Variants in NCKAP5 observed in about 807,000 individuals in gnomAD.
The protein encoded by NCKAP5 is nck-associated protein 5.
In NCKAP5, 92 loss-of-function variants were observed where a neutral mutation model predicts 167.0. That is an observed-to-expected ratio of 0.55 (90% CI 0.47 to 0.66). The LOEUF is 0.66. Among genes scored for constraint, NCKAP5 ranks in the 30% least tolerant of loss-of-function variants. NCKAP5 has a pLI of 0.00. For missense variants in NCKAP5, 2,378 were observed against 2,315.0 expected, an observed-to-expected ratio of 1.03 and a Z score of -0.56; for synonymous variants, 891 against 877.4, an observed-to-expected ratio of 1.02 and a Z score of -0.27.
chr2:133,357,326 C>CACACAT, intron 3 of NCKAP5, among the ~76,000 whole-genome samples: 1 of 150,962 alleles, frequency 6.6e-6, no homozygotes, highest in East Asian at 1.9e-4. Context: ...CACACACACA[C>CACACAT]ACATACACAG....
chr2:133,048,989 A>G (rs889426402), intron 6 of NCKAP5, among the ~76,000 whole-genome samples: 2 of 152,308 alleles, frequency 1.3e-5, no homozygotes, highest in East Asian at 3.9e-4. Flanking sequence ...GAATTCTCCC[A>G]TAAACACACT....
chr2:132,783,330 T>C lies in NCKAP5; in HGVS notation c.3481A>G (p.Arg1161Gly). 3.7e-6 allele frequency: 6 copies of C among 1,613,880 alleles called. No homozygotes were observed. Among genetic ancestry groups the C allele is most frequent in the Non-Finnish European group, 5.1e-6 (6 of 1,179,862 alleles). Reference protein sequence around the residue: ...KVLMKSPQLLRKSSTVPGKHE... With the variant: ...KVLMKSPQLLGKSSTVPGKHE... ...TTCCCTGGCACGGTGGAACTTTTCC[T>C]GAGCAGCTGGGGAGACTTCATGAGC... Residue 1161 changes from arginine to glycine, a missense_variant, in exon 14 of 20, where the codon AGG (arginine) becomes GGG (glycine). Around this residue, in one of 3 missense-constraint regions of NCKAP5, gnomAD observed 1,325 missense variants for 1,274.5 expected, o/e 1.04. Coordinates refer to ENST00000409261, the MANE Select transcript of NCKAP5 (RefSeq NM_207363.3).
intron 16 of NCKAP5, among the ~76,000 whole-genome samples, chr2:132,765,334 C>T (rs537595033): frequency 4.4e-5 from 5 of 114,916 alleles, no homozygotes; most frequent in African/African-American, 1.4e-4. Context: ...TTTTTTGAGA[C>T]GGAGTTTCGC....
intron 5 of NCKAP5, among the ~76,000 whole-genome samples, chr2:133,176,089 C>A (rs1014898316): frequency 9.2e-5 from 14 of 152,072 alleles, no homozygotes; most frequent in African/African-American, 2.4e-4. Flanking sequence ...CAGTGGAGAC[C>A]GCATATCCAG....
intron 5 of NCKAP5, among the ~76,000 whole-genome samples, chr2:133,191,261 A>T (rs2085206172): frequency 6.6e-6 from 1 of 152,204 alleles, no homozygotes; most frequent in African/African-American, 2.4e-5. Flanking sequence ...ATCATTAAAA[A>T]GTCAGGAAAC....
chr2:132,909,332 C>A (rs1006469266), intron 8 of NCKAP5, among the ~76,000 whole-genome samples: 2 of 151,926 alleles, frequency 1.3e-5, no homozygotes, highest in African/African-American at 4.8e-5. Context: ...GGTGACAGAG[C>A]AATACTCCAT....
intron 3 of NCKAP5, among the ~76,000 whole-genome samples, chr2:133,364,406 G>T (rs1685319780): frequency 6.6e-6 from 1 of 152,108 alleles, no homozygotes; most frequent in African/African-American, 2.4e-5. Context: ...TAGACTTCAA[G>T]AAAATTTGCA....
chr2:133,011,584 G>A (rs1226344050), intron 6 of NCKAP5, among the ~76,000 whole-genome samples: 2 of 152,214 alleles, frequency 1.3e-5, no homozygotes, highest in African/African-American at 4.8e-5. Flanking sequence ...GATTAGTGAA[G>A]TTGAGTAAAT....
At chr2:133,090,048 G>A (rs1333791074) in intron 6 of NCKAP5, among the ~76,000 whole-genome samples, 1 of 151,948 alleles carries the variant, frequency 6.6e-6, no homozygotes, top group African/African-American at 2.4e-5. Context: ...AGATCTGGCA[G>A]GCTGGAAAAT....
chr2:132,767,018 C>T (rs997788594), intron 16 of NCKAP5, among the ~76,000 whole-genome samples: 8 of 152,154 alleles, frequency 5.3e-5, no homozygotes, highest in African/African-American at 1.9e-4. Flanking sequence ...CTCCAAACCT[C>T]CTCTGTTTGG....
At chr2:133,607,851 A>G in the NCKAP5 span, among the ~76,000 whole-genome samples, 16 of 152,138 alleles carry the variant, frequency 1.1e-4, no homozygotes, top group Non-Finnish European at 1.6e-4. Context: ...AAATCCCCAC[A>G]TATATTTTCT....
intron 3 of NCKAP5, among the ~76,000 whole-genome samples, chr2:133,485,739 T>C (rs1393975430): frequency 2.0e-5 from 3 of 152,116 alleles, no homozygotes; most frequent in East Asian, 1.9e-4. Context: ...TCACTAGTGA[T>C]GGAAAACATC....
intron 2 of NCKAP5, among the ~76,000 whole-genome samples, chr2:133,547,469 AGTGT>A (rs1466730339): frequency 1.3e-5 from 2 of 152,092 alleles, no homozygotes; most frequent in Non-Finnish European, 2.9e-5. Context: ...TGCAGACTTA[AGTGT>A]CCCTGTCTGA....
chr2:132,952,453 C>T (rs372809701), intron 8 of NCKAP5, among the ~76,000 whole-genome samples: 1 of 152,112 alleles, frequency 6.6e-6, no homozygotes, highest in African/African-American at 2.4e-5. Context: ...GTCACAGACC[C>T]CCCCCACTCC....
intron 4 of NCKAP5, among the ~76,000 whole-genome samples, chr2:133,292,308 A>G (rs909150565): frequency 4.6e-5 from 7 of 151,588 alleles, no homozygotes; most frequent in Non-Finnish European, 7.4e-5. Flanking sequence ...CTAGATTTAA[A>G]AAAAAAAAAA....
the NCKAP5 span, among the ~76,000 whole-genome samples, chr2:133,630,859 C>T: frequency 2.0e-5 from 3 of 152,110 alleles, no homozygotes; most frequent in African/African-American, 4.8e-5. Flanking sequence ...GGCCCATCTC[C>T]TCCAGGAAAG....
chr2:133,174,456 A>T (rs934168049), intron 5 of NCKAP5, among the ~76,000 whole-genome samples: 1 of 152,188 alleles, frequency 6.6e-6, no homozygotes, highest in Admixed American at 6.5e-5. Flanking sequence ...AAATTCTATT[A>T]TTCCTCATAC....
chr2:133,035,270 T>C (rs2079006233), intron 6 of NCKAP5, among the ~76,000 whole-genome samples: 1 of 151,976 alleles, frequency 6.6e-6, no homozygotes. Flanking sequence ...AAAGGAAATA[T>C]TATTGCAGCT....
intron 6 of NCKAP5, among the ~76,000 whole-genome samples, chr2:133,124,441 T>A (rs1168680034): frequency 6.6e-6 from 1 of 152,220 alleles, no homozygotes; most frequent in Non-Finnish European, 1.5e-5. Context: ...TCAATTTTAA[T>A]TTAAATCTTC....
Sources: allele counts gnomAD v4.1 joint callset (sites outside exome capture counted in the v4.1 genomes callset), GRCh38; gene constraint gnomAD v4.1.1; regional missense constraint gnomAD v4.1.1; transcripts MANE v1.5; gene names NCBI Gene and HGNC (gene_info 2026-07-23, HGNC 2026-07-21).